KCND2: variants seen among roughly 807,000 people sequenced by gnomAD.
KCND2 encodes potassium voltage-gated channel subfamily D member 2.
A neutral mutation model predicts 54.4 loss-of-function variants in KCND2; 16 were observed. The observed-to-expected ratio is 0.29, with a 90% CI of 0.20 to 0.45. The LOEUF is 0.45. KCND2 is among the 20% of genes least tolerant of loss of function. KCND2 has a pLI of 1.00. For missense variants in KCND2, 486 were observed against 824.2 expected, an observed-to-expected ratio of 0.59 and a Z score of 5.02; for synonymous variants, 317 against 310.7, an observed-to-expected ratio of 1.02 and a Z score of -0.21.
intron 1 of KCND2, among the ~76,000 whole-genome samples, chr7:120,418,935 CAT>C (rs1212803658): frequency 1.3e-5 from 2 of 152,110 alleles, no homozygotes; most frequent in Non-Finnish European, 2.9e-5. Flanking sequence ...GGAAAAAAAT[CAT>C]GTGTTAAATA....
chr7:120,454,938 C>T (rs372279555), intron 1 of KCND2, among the ~76,000 whole-genome samples: 69 of 151,890 alleles, frequency 4.5e-4, no homozygotes, highest in African/African-American at 1.5e-3. Context: ...TTGTAGTAGC[C>T]GCAAAAGGAG....
At chr7:120,386,976 A>C (rs1009583347) in intron 1 of KCND2, among the ~76,000 whole-genome samples, 2 of 152,142 alleles carry the variant, frequency 1.3e-5, no homozygotes, top group Admixed American at 6.6e-5. Context: ...TAACAAAATT[A>C]ACTAAATCAT....
intron 1 of KCND2, among the ~76,000 whole-genome samples, chr7:120,724,966 T>G (rs1057059923): frequency 6.6e-6 from 1 of 152,176 alleles, no homozygotes; most frequent in African/African-American, 2.4e-5. Context: ...TGACATTCAT[T>G]TAGGTAAAAA....
intron 1 of KCND2, among the ~76,000 whole-genome samples, chr7:120,538,659 T>C (rs992545737): frequency 6.6e-6 from 1 of 152,108 alleles, no homozygotes; most frequent in Non-Finnish European, 1.5e-5. Flanking sequence ...TTCCCCATGT[T>C]TTATACAGAT....
intron 1 of KCND2, among the ~76,000 whole-genome samples, chr7:120,488,017 CA>C (rs1245366782): frequency 6.6e-6 from 1 of 151,238 alleles, no homozygotes; most frequent in Non-Finnish European, 1.5e-5. Context: ...CCCATCTATA[CA>C]AAAAAACAAA....
intron 1 of KCND2, among the ~76,000 whole-genome samples, chr7:120,570,416 T>TA (rs80129346): frequency 0.018 from 2,463 of 135,974 alleles, 68 homozygotes; most frequent in African/African-American, 0.054. Context: ...TATAAAAAGT[T>TA]AAAAAAAAAA....
chr7:120,593,995 C>T (rs534174163), intron 1 of KCND2, among the ~76,000 whole-genome samples: 5 of 152,186 alleles, frequency 3.3e-5, no homozygotes, highest in Admixed American at 6.5e-5. Context: ...AGAGGCTTGG[C>T]GCTCATCTCT....
chr7:120,395,960 G>C (rs1801149707), intron 1 of KCND2, among the ~76,000 whole-genome samples: 1 of 151,990 alleles, frequency 6.6e-6, no homozygotes, highest in Non-Finnish European at 1.5e-5. Context: ...TAAACTGCCT[G>C]TTTTACCTGG....
At chr7:120,707,992 T>C (rs1197621243) in intron 1 of KCND2, among the ~76,000 whole-genome samples, 1 of 151,958 alleles carries the variant, frequency 6.6e-6, no homozygotes. Flanking sequence ...TACAAGAGGT[T>C]TTTTCAGGTA....
intron 1 of KCND2, among the ~76,000 whole-genome samples, chr7:120,567,317 A>G (rs1040708586): frequency 6.6e-6 from 1 of 152,168 alleles, no homozygotes; most frequent in East Asian, 1.9e-4. Context: ...TAGTAATCCC[A>G]AATCTCAGTA....
intron 1 of KCND2, among the ~76,000 whole-genome samples, chr7:120,384,381 G>A (rs568943367): frequency 6.6e-6 from 1 of 152,074 alleles, no homozygotes; most frequent in African/African-American, 2.4e-5. Flanking sequence ...GTCAAAGTGG[G>A]TATTATTTAA....
intron 1 of KCND2, among the ~76,000 whole-genome samples, chr7:120,368,163 T>C (rs1310326350): frequency 6.6e-6 from 1 of 152,112 alleles, no homozygotes; most frequent in Admixed American, 6.6e-5. Flanking sequence ...AAGAAATTTC[T>C]GTGATGTAAA....
At chr7:120,437,626 T>G (rs1361435463) in intron 1 of KCND2, among the ~76,000 whole-genome samples, 7 of 152,296 alleles carry the variant, frequency 4.6e-5, no homozygotes, top group East Asian at 1.9e-4. Context: ...AGATAAATGT[T>G]TAGGTAGTCA....
At chr7:120,597,285 G>A (rs1015536098) in intron 1 of KCND2, among the ~76,000 whole-genome samples, 13 of 152,106 alleles carry the variant, frequency 8.5e-5, no homozygotes, top group Non-Finnish European at 1.3e-4. Context: ...ATAGGGAGGA[G>A]TCAAAGATAA....
intron 1 of KCND2, among the ~76,000 whole-genome samples, chr7:120,589,424 G>C (rs1233583111): frequency 1.3e-5 from 2 of 152,154 alleles, no homozygotes; most frequent in Non-Finnish European, 2.9e-5. Context: ...GTAAGGTGTA[G>C]ATGTTTTTTA....
intron 1 of KCND2, among the ~76,000 whole-genome samples, chr7:120,451,613 T>C (rs955614196): frequency 6.6e-6 from 1 of 152,180 alleles, no homozygotes; most frequent in Non-Finnish European, 1.5e-5. Flanking sequence ...TTCGCAGACG[T>C]AAAGGCAAAT....
intron 1 of KCND2, among the ~76,000 whole-genome samples, chr7:120,376,064 C>A (rs769949976): frequency 6.6e-6 from 1 of 151,696 alleles, no homozygotes; most frequent in Non-Finnish European, 1.5e-5. Context: ...GTTCAATATC[C>A]TTTGCTTATC....
intron 1 of KCND2, among the ~76,000 whole-genome samples, chr7:120,603,830 A>T (rs927238865): frequency 7.9e-5 from 12 of 152,192 alleles, no homozygotes; most frequent in Non-Finnish European, 1.3e-4. Flanking sequence ...ATTTTGCACA[A>T]TGTAATAAGA....
At chr7:120,476,653 G>A (rs1004172539) in intron 1 of KCND2, among the ~76,000 whole-genome samples, 2 of 152,000 alleles carry the variant, frequency 1.3e-5, no homozygotes, top group African/African-American at 4.8e-5. Flanking sequence ...AAGGGAGAGG[G>A]GAGGTAAGTG....
Sources: allele counts gnomAD v4.1 joint callset (sites outside exome capture counted in the v4.1 genomes callset), GRCh38; gene constraint gnomAD v4.1.1; transcripts MANE v1.5; gene names NCBI Gene and HGNC (gene_info 2026-07-23, HGNC 2026-07-21).